Variants in DYM observed in about 807,000 individuals in gnomAD.
DYM encodes the protein dymeclin.
In DYM, 78 loss-of-function variants were observed where a neutral mutation model predicts 93.1. The observed-to-expected ratio is 0.84, with a 90% CI of 0.70 to 1.01. The LOEUF (loss-of-function observed/expected upper bound fraction) is 1.01, where lower values mean the gene tolerates loss of function less well. Ranked by LOEUF, DYM falls within the 50% of genes least tolerant of loss-of-function variation. The pLI, the probability that DYM is intolerant of heterozygous loss-of-function variation, is 0.00. For synonymous variants in DYM, 321 were observed against 319.7 expected (o/e 1.00, Z -0.04); for missense variants, 789 against 845.0 (o/e 0.93, Z 0.82).
chr18:49,312,348 T>A (rs951525359), intron 8 of DYM, among the ~76,000 whole-genome samples: 1 of 152,174 alleles, frequency 6.6e-6, no homozygotes, highest in Non-Finnish European at 1.5e-5. Context: ...CCCTGACTGG[T>A]CCCCACCCTT....
At chr18:49,066,887 C>T (rs2076433327) in intron 17 of DYM, among the ~76,000 whole-genome samples, 3 of 152,196 alleles carry the variant, frequency 2.0e-5, no homozygotes, top group Admixed American at 2.0e-4. Context: ...CATACCTCTT[C>T]ATCCCATCAC....
At position 49,371,763 on chromosome 18, in the gene DYM, C is replaced by T. The variant is rs78917873; in HGVS notation, c.421+6804G>A. On this transcript the variant is annotated intron_variant, in intron 5 of 17. Coordinates refer to ENST00000675505, the MANE Select transcript of DYM (RefSeq NM_001353214.3). The stretch of plus-strand genomic sequence containing the variant: ...TTGTCCCCTTTGACTGATTCTCAAA[C>T]GCATGGACTAATGGAAGAGCTATCC... 4.6e-3 allele frequency among the ~76,000 whole-genome samples: 696 copies of T among 152,196 alleles called. 4 individuals carry two copies. Among genetic ancestry groups the T allele is most frequent in the Non-Finnish European group, 6.3e-3 (428 of 68,018 alleles).
chr18:49,147,862 T>A (rs938585444), intron 15 of DYM, among the ~76,000 whole-genome samples: 3 of 152,164 alleles, frequency 2.0e-5, no homozygotes, highest in Non-Finnish European at 2.9e-5. Context: ...CAAAGGAGTA[T>A]AAAACATGCT....
At chr18:49,369,825 T>C (rs1434325718) in intron 5 of DYM, among the ~76,000 whole-genome samples, 2 of 152,216 alleles carry the variant, frequency 1.3e-5, no homozygotes, top group African/African-American at 4.8e-5. Flanking sequence ...GTCGAGTCCC[T>C]GTCCCTTTTC....
At chr18:49,211,937 A>T (rs992446990) in intron 13 of DYM, among the ~76,000 whole-genome samples, 1 of 152,226 alleles carries the variant, frequency 6.6e-6, no homozygotes, top group Non-Finnish European at 1.5e-5. Flanking sequence ...AAAATACAAG[A>T]AACATATTCT....
intron 8 of DYM, among the ~76,000 whole-genome samples, chr18:49,326,880 T>A (rs564312209): frequency 1.5e-4 from 23 of 152,266 alleles, no homozygotes; most frequent in African/African-American, 5.3e-4. Context: ...AGCTGGTAAG[T>A]ATACTGTGGT....
At chr18:49,384,394 G>C (rs1308663925) in intron 3 of DYM, among the ~76,000 whole-genome samples, 1 of 150,276 alleles carries the variant, frequency 6.7e-6, no homozygotes, top group Non-Finnish European at 1.5e-5. Context: ...GGGAGGCCAA[G>C]GCAGGAAGAT....
At chr18:49,175,838 AG>A (rs2089312666) in intron 14 of DYM, among the ~76,000 whole-genome samples, 1 of 152,196 alleles carries the variant, frequency 6.6e-6, no homozygotes, top group Non-Finnish European at 1.5e-5. Flanking sequence ...ATATAGTAAA[AG>A]CAAAAGACAA....
chr18:49,360,718 C>T (rs1392772994), intron 6 of DYM, among the ~76,000 whole-genome samples: 2 of 152,066 alleles, frequency 1.3e-5, no homozygotes, highest in Non-Finnish European at 2.9e-5. Context: ...AAACAGTACA[C>T]AGTATATGTG....
chr18:49,387,576 C>A (rs112049022), intron 3 of DYM, among the ~76,000 whole-genome samples: 1,746 of 152,158 alleles, frequency 0.011, 32 homozygotes, highest in African/African-American at 0.04. Context: ...TGGTCGAATC[C>A]GTGATCTTTG....
At chr18:49,457,913 G>A (rs1424944513) in intron 1 of DYM, among the ~76,000 whole-genome samples, 1 of 152,184 alleles carries the variant, frequency 6.6e-6, no homozygotes, top group Non-Finnish European at 1.5e-5. Flanking sequence ...TGAAGACAGA[G>A]GAGGTACGCC....
intron 11 of DYM, among the ~76,000 whole-genome samples, chr18:49,267,801 G>C (rs1250126482): frequency 6.6e-6 from 1 of 152,174 alleles, no homozygotes; most frequent in Non-Finnish European, 1.5e-5. Context: ...GGGAGGCTGA[G>C]GCATGAGAAT....
chr18:49,183,582 A>AT (rs1246096361), intron 14 of DYM, among the ~76,000 whole-genome samples: 4 of 152,072 alleles, frequency 2.6e-5, no homozygotes, highest in Non-Finnish European at 5.9e-5. Flanking sequence ...AATTATATAC[A>AT]TTTTATTTCA....
At chr18:49,189,502 C>A (rs978102641) in intron 14 of DYM, among the ~76,000 whole-genome samples, 3 of 152,148 alleles carry the variant, frequency 2.0e-5, no homozygotes, top group African/African-American at 7.2e-5. Flanking sequence ...TCTACATTTA[C>A]TATCTGCCAA....
chr18:49,180,720 C>T (rs1411712980), intron 14 of DYM, among the ~76,000 whole-genome samples: 2 of 152,118 alleles, frequency 1.3e-5, no homozygotes, highest in East Asian at 3.9e-4. Flanking sequence ...TGTATTTAAA[C>T]ACCCACTCCT....
At chr18:49,396,505 G>A (rs920160917) in intron 2 of DYM, among the ~76,000 whole-genome samples, 7 of 152,002 alleles carry the variant, frequency 4.6e-5, no homozygotes, top group African/African-American at 7.3e-5. Flanking sequence ...TAAGCATCAC[G>A]TCAGTGCTCA....
At chr18:49,357,446 A>G (rs1331907531) in intron 6 of DYM, among the ~76,000 whole-genome samples, 1 of 152,208 alleles carries the variant, frequency 6.6e-6, no homozygotes, top group East Asian at 1.9e-4. Flanking sequence ...CTAGTCCCTT[A>G]AACATTCTCA....
At chr18:49,070,690 G>C (rs1213261582) in intron 17 of DYM, among the ~76,000 whole-genome samples, 1 of 152,202 alleles carries the variant, frequency 6.6e-6, no homozygotes, top group Non-Finnish European at 1.5e-5. Context: ...TTCTTTAAGG[G>C]ACAACCACTA....
intron 1 of DYM, among the ~76,000 whole-genome samples, chr18:49,447,794 G>C (rs1164326467): frequency 2.0e-5 from 3 of 152,144 alleles, no homozygotes; most frequent in African/African-American, 7.2e-5. Context: ...TATGGTTCAG[G>C]GAAGTAGTCT....
Sources: allele counts gnomAD v4.1 joint callset (sites outside exome capture counted in the v4.1 genomes callset), GRCh38; gene constraint gnomAD v4.1.1; transcripts MANE v1.5; gene names NCBI Gene and HGNC (gene_info 2026-07-23, HGNC 2026-07-21).